VPS35: variants seen among roughly 807,000 people sequenced by gnomAD.
VPS35 encodes the protein vacuolar protein sorting-associated protein 35.
VPS35 carries 21 observed loss-of-function variants against 98.1 expected under a neutral mutation model. The ratio of observed to expected loss-of-function variants is 0.21; its 90% CI spans 0.15 to 0.31. The LOEUF is 0.31. Ranked by LOEUF, VPS35 falls within the 10% of genes least tolerant of loss-of-function variation. The pLI, the probability that VPS35 is intolerant of heterozygous loss-of-function variation, is 1.00. For missense variants in VPS35, 554 were observed against 950.8 expected, an observed-to-expected ratio of 0.58 and a Z score of 5.49; for synonymous variants, 268 against 318.2, an observed-to-expected ratio of 0.84 and a Z score of 1.68.
rs1449241440 is a variant in VPS35 at position 46,658,855 on chromosome 16, G to A, written c.*1617C>T. The A allele has an allele frequency of 6.6e-6, 1 of 152,222 alleles. No individual in the cohort carries two copies. Among genetic ancestry groups the A allele is most frequent in the Non-Finnish European group, 1.5e-5 (1 of 68,046 alleles). 9.4% of individuals were successfully genotyped at this position (152,222 alleles called of 1,614,324 possible). ...AAGTGCTAGCAATGGGAGGGCAGAT[G>A]GTGAGGGGTTAAGTGATGTAGTCAT... On this transcript the variant is annotated 3_prime_UTR_variant, in exon 17 of 17. Coordinates refer to ENST00000299138, the MANE Select transcript of VPS35 (RefSeq NM_018206.6).
chr16:46,687,077 G>A, intron 1 of VPS35, among the ~76,000 whole-genome samples: 1 of 152,124 alleles, frequency 6.6e-6, no homozygotes, highest in Non-Finnish European at 1.5e-5. Flanking sequence ...CACTTAATAA[G>A]TGCTATAATT....
Position 46,662,329 on chromosome 16 carries a change from G to T in VPS35, c.1981C>A (p.Leu661Ile). Residue 661 changes from leucine (L) to isoleucine (I), a missense_variant, in exon 15 of 17, where the codon CTA becomes ATA. Physicochemically the swap from Leu to Ile is conservative, Grantham distance 5. Coordinates refer to ENST00000299138, the MANE Select transcript of VPS35 (RefSeq NM_018206.6). Reference sequence around the variant, plus strand: ...GCTCGGCCCTGATCAGGTTTCTTTAGAAGTTTGGATGCAGCAAGGGCACAC... The same window carrying T: ...GCTCGGCCCTGATCAGGTTTCTTTATAAGTTTGGATGCAGCAAGGGCACAC... ...TQCALAASKL[L>I]KKPDQGRAVS... 6.2e-7 allele frequency: 1 copy of T among 1,614,172 alleles called. No individual in the cohort carries two copies. The highest frequency in any genetic ancestry group is 8.5e-7 in the Non-Finnish European group (1 of 1,180,040).
rs1965865518 is a variant in VPS35, at chr16:46,658,761, T to G, written c.*1711A>C. On this transcript the variant is annotated 3_prime_UTR_variant, in exon 17 of 17. Coordinates refer to ENST00000299138, the MANE Select transcript of VPS35 (RefSeq NM_018206.6). ...CAGAATGGCTTAACATTTGATACAT[T>G]TTAGTGGTACTAATTTTATAACTTT... The G allele has an allele frequency of 6.6e-6, 1 of 152,248 alleles. No homozygotes were observed. 9.4% of individuals were successfully genotyped at this position (152,248 alleles called of 1,614,324 possible).
chr16:46,680,614 T>C (rs1304398921), intron 5 of VPS35, 57 bp downstream of exon 5: 5 of 1,560,278 alleles, frequency 3.2e-6, no homozygotes, highest in African/African-American at 1.4e-5. Flanking sequence ...TCCACACTTT[T>C]ATACATTCTA....
chr16:46,669,163 T>C, intron 12 of VPS35, 111 bp from the exon 13 acceptor site: 1 of 1,368,730 alleles, frequency 7.3e-7, no homozygotes, highest in Admixed American at 1.8e-5. Context: ...ATATACAATG[T>C]ACCATACTTT....
In VPS35 at chr16:46,662,963, C is replaced by T. The variant is rs1567468404; in HGVS notation, c.1827+20G>A. Reference sequence around the variant, plus strand: ...ACCCAGCAGAGCTGACATGACAACGCAGAAAGAACAGATCATCACCTGGGA... The same window carrying T: ...ACCCAGCAGAGCTGACATGACAACGTAGAAAGAACAGATCATCACCTGGGA... On this transcript the variant is annotated intron_variant, in intron 14 of 16. Transcript: ENST00000299138. 6.2e-7 allele frequency: 1 copy of T among 1,614,172 alleles called. No individual in the cohort carries two copies. The highest frequency in any genetic ancestry group is 2.2e-5 in the East Asian group (1 of 44,882).
At chr16:46,669,266 G>A (rs1966034147) in intron 12 of VPS35, 5 of 607,648 alleles carry the variant, frequency 8.2e-6, no homozygotes, top group South Asian at 2.0e-5. Context: ...GGAAGCCTGA[G>A]TTTCAGAGAG....
chr16:46,683,541 C>T lies in VPS35; in HGVS notation c.69G>A (p.Val23=). Residue 23 remains valine (V), a synonymous_variant, in exon 2 of 17, where the codon GTG becomes GTA. Transcript: ENST00000299138. ...TCTTCATTTGGAATGACTGGACCTT[C>T]ACAGCCTGTATGGCTTCATCCAAGA... ...EKLLDEAIQA[V]KVQSFQMKRC... is the part of the protein sequence containing the mutation. 1 of 1,614,040 alleles carries T rather than the reference C, an allele frequency of 6.2e-7. No individual in the cohort carries two copies. Among genetic ancestry groups the T allele is most frequent in the South Asian group, 1.1e-5 (1 of 91,070 alleles).
Position 46,662,498 on chromosome 16 carries a change from C to T in VPS35, c.1828-16G>A. The T allele has an allele frequency of 6.2e-7, 1 of 1,613,028 alleles. No homozygotes were observed. On this transcript the variant is annotated splice_polypyrimidine_tract_variant and intron_variant, in intron 14 of 16. Transcript: ENST00000299138. Reference sequence around the variant, plus strand: ...GAGAAAATGCCTAGTGAACATAAAGCAGAAAGGACTTTCAAGGACCAACCA... The same window carrying T: ...GAGAAAATGCCTAGTGAACATAAAGTAGAAAGGACTTTCAAGGACCAACCA...
At chr16:46,682,347 C>T in intron 2 of VPS35, 172 bp from the exon 3 acceptor site, 1 of 595,836 alleles carries the variant, frequency 1.7e-6, no homozygotes, top group Non-Finnish European at 3.0e-6. Flanking sequence ...CTTGCCGTCT[C>T]TACTGAAAAA....
At chr16:46,674,264 C>CT in intron 10 of VPS35, 50 bp downstream of exon 10, 4 of 1,604,136 alleles carry the variant, frequency 2.5e-6, no homozygotes, top group Non-Finnish European at 3.4e-6. Context: ...AAAAGCAAAT[C>CT]TAGGACAAAA....
Position 46,677,096 on chromosome 16 carries a change from A to T in VPS35, c.804+219T>A, listed in dbSNP as rs190622480. On this transcript the variant is annotated intron_variant, in intron 7 of 16. Coordinates refer to ENST00000299138, the MANE Select transcript of VPS35 (RefSeq NM_018206.6). The stretch of plus-strand genomic sequence containing the variant: ...TTTTTTATAGAAACGGCATCGTGCT[A>T]TGTTGCCCAGGCTGGTTTTGAACTC... 2.1e-3 allele frequency among the ~76,000 whole-genome samples: 324 copies of T among 152,186 alleles called. 2 individuals are homozygous for T. The Middle Eastern group carries it at 0.058, about 27-fold the overall frequency.
At chr16:46,684,279 C>A (rs1464250806) in intron 1 of VPS35, among the ~76,000 whole-genome samples, 5 of 152,184 alleles carry the variant, frequency 3.3e-5, no homozygotes, top group Admixed American at 1.3e-4. Context: ...ATCTCTAAAG[C>A]CTCTCTTTTC....
Position 46,678,260 on chromosome 16 carries a change from G to C in VPS35, c.720+683C>G, listed in dbSNP as rs1966180273. Among the ~76,000 whole-genome samples, 3 of 134,424 alleles carry C rather than the reference G, an allele frequency of 2.2e-5. No homozygotes were observed. In the South Asian group the frequency reaches 7.0e-4, roughly 31 times the overall value. The allele number at this position is 134,424 out of a possible 152,430, so 88.2% of individuals were successfully genotyped here. On this transcript the variant is annotated intron_variant, in intron 6 of 16. Transcript: ENST00000299138. ...AATCTTTTGGCTTGAAGAAGAATTA[G>C]AATTGTCTTGGGCCATACATAAAAT...
In VPS35 at chr16:46,678,856, C is replaced by T; in HGVS notation, c.720+87G>A. ...CCATTTTAAGATGTTTTTCAATGTA[C>T]TATTGTATAACAAAAATATTCTGAT... is the stretch of plus-strand genomic sequence containing the variant. On this transcript the variant is annotated intron_variant, in intron 6 of 16. Coordinates refer to ENST00000299138, the MANE Select transcript of VPS35 (RefSeq NM_018206.6). The T allele has an allele frequency of 3.6e-6, 5 of 1,382,630 alleles. No individual in the cohort carries two copies. In the South Asian group the frequency reaches 4.9e-5, roughly 14 times the overall value. 85.6% of individuals were successfully genotyped at this position (1,382,630 alleles called of 1,614,324 possible).
At chr16:46,660,952 G>T (rs1405652290) in intron 16 of VPS35, 12 of 414,312 alleles carry the variant, frequency 2.9e-5, no homozygotes, top group Admixed American at 3.5e-5. Flanking sequence ...TTTGAGACCA[G>T]CCTGGCCAAC....
chr16:46,673,910 C>T (rs1487083577), intron 10 of VPS35: 4 of 198,736 alleles, frequency 2.0e-5, no homozygotes, highest in Admixed American at 5.4e-5. Flanking sequence ...AACACAAATT[C>T]GTAAACTTTC....
At position 46,662,376 on chromosome 16, in the gene VPS35, T is replaced by C; in HGVS notation, c.1934A>G (p.Asn645Ser). The change falls in exon 15 of 17, where the codon AAT (asparagine) becomes AGT (serine). Residue 645 changes from asparagine (N) to serine (S), a missense_variant. Physicochemically the swap from Asn to Ser is conservative, Grantham distance 46 (BLOSUM62 1). This residue lies in a region of VPS35 where 153 missense variants were observed against 211.0 expected (regional missense o/e 0.73). Coordinates refer to ENST00000299138, the MANE Select transcript of VPS35 (RefSeq NM_018206.6). ...ACACTGAGTCCTCAGAGGTTCGTGA[T>C]TCTCTTCACTGAAGCACTTCATCCT... ...FERMKCFSEE[N>S]HEPLRTQCAL... is the part of the protein sequence containing the mutation. 1.2e-6 allele frequency: 2 copies of C among 1,614,214 alleles called. No individual in the cohort carries two copies. The highest frequency in any genetic ancestry group is 1.7e-6 in the Non-Finnish European group (2 of 1,180,036).
chr16:46,674,882 C>A (rs149807259), intron 8 of VPS35, among the ~76,000 whole-genome samples: 4 of 152,142 alleles, frequency 2.6e-5, no homozygotes, highest in Non-Finnish European at 5.9e-5. Flanking sequence ...CCTCCACCTG[C>A]TGAGCTCAGG....
Sources: gnomAD v4.1 joint callset for allele counts (sites outside exome capture counted in the v4.1 genomes callset) on GRCh38, gnomAD v4.1.1 for gene constraint, gnomAD v4.1.1 regional missense constraint, MANE v1.5 for transcripts, NCBI Gene and HGNC (gene_info 2026-07-23, HGNC 2026-07-21) for gene names.